The following PLAGL1 variants were observed in gnomAD, a reference collection of about 807,000 sequenced individuals.
PLAGL1 encodes the protein zinc finger protein PLAGL1.
A neutral mutation model predicts 4.6 loss-of-function variants in PLAGL1; 1 was observed. The ratio of observed to expected loss-of-function variants is 0.22; its 90% CI spans 0.08 to 1.03. The LOEUF (loss-of-function observed/expected upper bound fraction) is 1.03, where lower values mean the gene tolerates loss of function less well. Among genes scored for constraint, PLAGL1 ranks in the 50% least tolerant of loss-of-function variants. The probability of loss-of-function intolerance (pLI) is 0.58; values close to 1 mark genes in which losing one functional copy is unlikely to be tolerated. For missense variants in PLAGL1, 464 were observed against 570.4 expected, an observed-to-expected ratio of 0.81 and a Z score of 1.90; for synonymous variants, 240 against 237.8, an observed-to-expected ratio of 1.01 and a Z score of -0.08.
intron 1 of PLAGL1, among the ~76,000 whole-genome samples, chr6:144,026,386 T>C (rs950602203): frequency 1.3e-5 from 2 of 152,192 alleles, no homozygotes; most frequent in African/African-American, 4.8e-5. Context: ...TACTAAAAAA[T>C]AGTACTGCAT....
rs1477605016 is a variant in PLAGL1 at position 143,940,842 on chromosome 6, T to TA, written c.*581dup. 4 of 152,604 alleles carry TA rather than the reference T, an allele frequency of 2.6e-5. No individual in the cohort carries two copies. The highest frequency in any genetic ancestry group is 1.3e-4 in the Admixed American group (2 of 15,286). 9.5% of individuals were successfully genotyped at this position (152,604 alleles called of 1,614,324 possible). ...TTGTGGAAAATATTCAAACTACATTTAAAATGCTTCTGTAAAATGGAGAAC... is the reference window on the plus strand; with the variant it reads ...TTGTGGAAAATATTCAAACTACATTTAAAAATGCTTCTGTAAAATGGAGAAC... On this transcript the variant is annotated 3_prime_UTR_variant, in exon 8 of 8. Transcript: ENST00000674357.
At chr6:143,998,859 C>T (rs541256177) in intron 1 of PLAGL1, among the ~76,000 whole-genome samples, 44 of 152,102 alleles carry the variant, frequency 2.9e-4, no homozygotes, top group Admixed American at 2.8e-3. Context: ...GGGGCTGATG[C>T]GTGGTTAGGA....
At chr6:144,020,832 A>AT (rs1583738115) in intron 1 of PLAGL1, among the ~76,000 whole-genome samples, 3 of 145,732 alleles carry the variant, frequency 2.1e-5, no homozygotes, top group Non-Finnish European at 4.5e-5. Flanking sequence ...TATTATATAT[A>AT]ATATAATATA....
At position 143,994,455 on chromosome 6, in the gene PLAGL1, C is replaced by T. The variant is rs552292862; in HGVS notation, c.-583-9281G>A. Among the ~76,000 whole-genome samples the T allele has an allele frequency of 6.6e-6, 1 of 152,180 alleles. No individual in the cohort carries two copies. The highest frequency in any genetic ancestry group is 1.9e-4 in the East Asian group (1 of 5,200). Reference sequence around the variant, plus strand: ...ATGTGACAAGGTATTACCATTAAAGCGTATGACACTGATTTTACACTCTGC... The same window carrying T: ...ATGTGACAAGGTATTACCATTAAAGTGTATGACACTGATTTTACACTCTGC... On this transcript the variant is annotated intron_variant, in intron 1 of 7. Transcript: ENST00000674357. This position sits in a 1 kb window ranked among gnomAD's most constrained non-coding sequence, Gnocchi z 4.3.
rs964075267 is a variant in PLAGL1 at position 144,000,339 on chromosome 6, C to A, written c.-584+7751G>T. On this transcript the variant is annotated intron_variant, in intron 1 of 7. Transcript: ENST00000674357. The surrounding 1 kb of genome is among the most constrained non-coding windows in gnomAD (Gnocchi z 4.1). ...AGGAAAAGAAAAAAATCATTTCTTGCAAATTATGTATTTATGTAAATGGAA... is the reference window on the plus strand; with the variant it reads ...AGGAAAAGAAAAAAATCATTTCTTGAAAATTATGTATTTATGTAAATGGAA... 3.3e-5 allele frequency among the ~76,000 whole-genome samples: 5 copies of A among 152,076 alleles called. No individual in the cohort carries two copies. Among genetic ancestry groups the A allele is most frequent in the Middle Eastern group, 3.4e-3 (1 of 294 alleles).
chr6:143,949,374 G>A lies in PLAGL1; in HGVS notation c.-324-914C>T, dbSNP rs1347854361. Among the ~76,000 whole-genome samples the A allele has an allele frequency of 6.6e-6, 1 of 152,212 alleles. No homozygotes were observed. The highest frequency in any genetic ancestry group is 6.5e-5 in the Admixed American group (1 of 15,278). On this transcript the variant is annotated intron_variant, in intron 6 of 7. Coordinates refer to ENST00000674357, the MANE Select transcript of PLAGL1 (RefSeq NM_001317162.2). The surrounding 1 kb of genome is among the most constrained non-coding windows in gnomAD (Gnocchi z 5.3). ...GGAGGAACCTGAAGTGTCTGAGCCT[G>A]CATCATGAACAATACTCCACTTACT...
intron 1 of PLAGL1, among the ~76,000 whole-genome samples, chr6:144,058,668 A>G (rs1367552992): frequency 6.6e-6 from 1 of 152,294 alleles, no homozygotes; most frequent in East Asian, 1.9e-4. Context: ...TTCTAAAGGG[A>G]TATATTGGCC....
intron 1 of PLAGL1, among the ~76,000 whole-genome samples, chr6:144,019,432 A>T (rs1795813152): frequency 6.6e-6 from 1 of 152,222 alleles, no homozygotes; most frequent in South Asian, 2.1e-4. Flanking sequence ...ATATGGCGCC[A>T]CTGCACTCCA....
At position 144,000,702 on chromosome 6, in the gene PLAGL1, C is replaced by G. The variant is rs1413655580; in HGVS notation, c.-584+7388G>C. 2.0e-5 allele frequency among the ~76,000 whole-genome samples: 3 copies of G among 152,080 alleles called. No homozygotes were observed. Among genetic ancestry groups the G allele is most frequent in the African/African-American group, 7.2e-5 (3 of 41,426 alleles). ...GGTCTAAAATTGCCAAACAATTCAG[C>G]AGAAAAACAAAAGAAGGCTTCTGCT... On this transcript the variant is annotated intron_variant, in intron 1 of 7. Transcript: ENST00000674357. This position sits in a 1 kb window ranked among gnomAD's most constrained non-coding sequence, Gnocchi z 4.1.
Position 143,968,018 on chromosome 6 carries a change from A to AAAAAAG in PLAGL1, c.-472+888_-472+889insCTTTTT, listed in dbSNP as rs59857186. 7.0e-6 allele frequency: 1 copy of AAAAAAG among 143,658 alleles called. No individual in the cohort carries two copies. Among genetic ancestry groups the AAAAAAG allele is most frequent in the Non-Finnish European group, 1.5e-5 (1 of 65,216 alleles). The allele number at this position is 143,658 out of a possible 1,614,324, so 8.9% of individuals were successfully genotyped here. A position where few individuals can be genotyped will look rare whatever the true frequency, so the allele number is the denominator to read the frequency against. On this transcript the variant is annotated intron_variant, in intron 3 of 7. Transcript: ENST00000674357. This position sits in a 1 kb window ranked among gnomAD's most constrained non-coding sequence, Gnocchi z 6.3. ...TTTGCAAAAAAAAAAAAAAAAAAAA[A>AAAAAAG]CAGTCTGGAGAGAGGCCAAGAGTTA...
At chr6:143,993,490 A>G (rs1263841955) in intron 1 of PLAGL1, among the ~76,000 whole-genome samples, 2 of 152,106 alleles carry the variant, frequency 1.3e-5, no homozygotes, top group African/African-American at 2.4e-5. Flanking sequence ...GACGGCAGAC[A>G]TTTCAGATTT....
Position 144,039,966 on chromosome 6 carries a change from A to T in PLAGL1, c.-151+24502T>A, listed in dbSNP as rs1458756934. On this transcript the variant is annotated intron_variant, in intron 1 of 3. Coordinates refer to the PLAGL1 transcript ENST00000437412. The surrounding 1 kb of genome is among the most constrained non-coding windows in gnomAD (Gnocchi z 4.1). ...AGGTTCAAAAGGCAAGCCTCCAGAT[A>T]ATTTATATCATATAATTCCATGTAC... 6.6e-6 allele frequency among the ~76,000 whole-genome samples: 1 copy of T among 152,238 alleles called. No individual in the cohort carries two copies. Among genetic ancestry groups the T allele is most frequent in the Non-Finnish European group, 1.5e-5 (1 of 68,046 alleles).
intron 1 of PLAGL1, among the ~76,000 whole-genome samples, chr6:144,014,294 G>T (rs183799086): frequency 1.3e-3 from 204 of 152,164 alleles, no homozygotes; most frequent in East Asian, 3.5e-3. Context: ...GCCAGGCATA[G>T]TGGTGCACAC....
rs1408430673 is a variant in PLAGL1, at chr6:143,972,568, TCCC to T, written c.-543-3593_-543-3591del. The stretch of plus-strand genomic sequence containing the variant: ...TTGACACACACTTCCAGTTACAATA[TCCC>T]AAGAATATAAATATTTTAAAATAAA... On this transcript the variant is annotated intron_variant, in intron 2 of 7. Transcript: ENST00000674357. This position sits in a 1 kb window ranked among gnomAD's most constrained non-coding sequence, Gnocchi z 6.8. Among the ~76,000 whole-genome samples, 2 of 152,166 alleles carry T rather than the reference TCCC, an allele frequency of 1.3e-5. No homozygotes were observed. The highest frequency in any genetic ancestry group is 3.9e-4 in the East Asian group (2 of 5,194).
rs1001183178 is a variant in PLAGL1, at chr6:143,945,847, G to A, written c.152+2138C>T. Among the ~76,000 whole-genome samples, 6 of 152,130 alleles carry A rather than the reference G, an allele frequency of 3.9e-5. No individual in the cohort carries two copies. The highest frequency in any genetic ancestry group is 7.2e-5 in the African/African-American group (3 of 41,418). On this transcript the variant is annotated intron_variant, in intron 7 of 7. Coordinates refer to ENST00000674357, the MANE Select transcript of PLAGL1 (RefSeq NM_001317162.2). The surrounding 1 kb of genome is among the most constrained non-coding windows in gnomAD (Gnocchi z 4.2). ...TATCACTGCTTCAGGCAAGAGAGGC[G>A]AGAGGCAAGAAATGCTGGGGGCTGA...
chr6:143,999,533 C>A (rs1332614863), intron 1 of PLAGL1, among the ~76,000 whole-genome samples: 1 of 152,186 alleles, frequency 6.6e-6, no homozygotes, highest in Non-Finnish European at 1.5e-5. Context: ...TTTGCTCATG[C>A]AAGAGCTATC....
intron 1 of PLAGL1, among the ~76,000 whole-genome samples, chr6:143,991,511 C>T (rs1288066826): frequency 2.0e-5 from 3 of 152,172 alleles, no homozygotes; most frequent in Non-Finnish European, 4.4e-5. Flanking sequence ...TGTGCTTATC[C>T]CATAACCTGT....
At position 144,056,286 on chromosome 6, in the gene PLAGL1, A is replaced by C. The variant is rs1440798105; in HGVS notation, c.-151+8182T>G. Among the ~76,000 whole-genome samples, 1 of 152,178 alleles carries C rather than the reference A, an allele frequency of 6.6e-6. No individual in the cohort carries two copies. Among genetic ancestry groups the C allele is most frequent in the African/African-American group, 2.4e-5 (1 of 41,448 alleles). ...AGCCTCCCCTATTACCGGCATCCCC[A>C]CCAGGATGGCGCATTTGTTCCAACT... On this transcript the variant is annotated intron_variant, in intron 1 of 3. Coordinates refer to the PLAGL1 transcript ENST00000437412. The surrounding 1 kb of genome is among the most constrained non-coding windows in gnomAD (Gnocchi z 4.7).
In PLAGL1 at chr6:144,015,284, C is replaced by T. The variant is rs1029467117; in HGVS notation, c.-150-46306G>A. On this transcript the variant is annotated intron_variant, in intron 1 of 3. Transcript: ENST00000437412. This position sits in a 1 kb window ranked among gnomAD's most constrained non-coding sequence, Gnocchi z 4.3. Reference sequence around the variant, plus strand: ...AAAGTAACTTAAACTATTTTTAAAACGTGGCTACTGGAACATTTTAAATTA... The same window carrying T: ...AAAGTAACTTAAACTATTTTTAAAATGTGGCTACTGGAACATTTTAAATTA... Among the ~76,000 whole-genome samples the T allele has an allele frequency of 6.6e-5, 10 of 152,198 alleles. No homozygotes were observed. The highest frequency in any genetic ancestry group is 6.2e-4 in the South Asian group (3 of 4,826).
Sources: allele counts gnomAD v4.1 joint callset (sites outside exome capture counted in the v4.1 genomes callset), GRCh38; gene constraint gnomAD v4.1.1; non-coding constraint Gnocchi (gnomAD v3.1); transcripts MANE v1.5; gene names NCBI Gene and HGNC (gene_info 2026-07-23, HGNC 2026-07-21).